Variants in ADGRL3 observed in about 807,000 individuals in gnomAD.
ADGRL3 encodes calcium-independent alpha-latrotoxin receptor 3.
ADGRL3 carries 62 observed loss-of-function variants against 153.5 expected under a neutral mutation model. That is an observed-to-expected ratio of 0.40 (90% confidence interval 0.33 to 0.50). The LOEUF (loss-of-function observed/expected upper bound fraction) is 0.50. ADGRL3 is among the 20% of genes least tolerant of loss of function. The pLI, the probability that ADGRL3 is intolerant of heterozygous loss-of-function variation, is 0.47. For missense variants in ADGRL3, 1,641 were observed against 1,859.4 expected (o/e 0.88, Z 2.16); for synonymous variants, 710 against 672.5 (o/e 1.06, Z -0.86).
chr4:62,033,321 A>G (rs1723199272), intron 23 of ADGRL3, among the ~76,000 whole-genome samples: 1 of 151,806 alleles, frequency 6.6e-6, no homozygotes. Flanking sequence ...GGAGACAGAA[A>G]AACATAGTAT....
intron 13 of ADGRL3, among the ~76,000 whole-genome samples, chr4:61,926,221 G>A (rs1186081567): frequency 1.3e-5 from 2 of 152,032 alleles, no homozygotes; most frequent in African/African-American, 4.8e-5. Context: ...TGGTATACAT[G>A]GTCCATTATT....
At chr4:61,932,913 T>C (rs1459433884) in intron 13 of ADGRL3, among the ~76,000 whole-genome samples, 2 of 152,140 alleles carry the variant, frequency 1.3e-5, no homozygotes, top group East Asian at 3.9e-4. Flanking sequence ...AACATGTTCT[T>C]TCTTAGAACA....
At chr4:61,398,278 T>A (rs1185422625) in intron 2 of ADGRL3, among the ~76,000 whole-genome samples, 1 of 151,784 alleles carries the variant, frequency 6.6e-6, no homozygotes, top group East Asian at 1.9e-4. Context: ...TTACTTTGAA[T>A]TTGGGTGAAT....
chr4:61,660,254 T>C (rs1263296193), intron 5 of ADGRL3, among the ~76,000 whole-genome samples: 1 of 152,182 alleles, frequency 6.6e-6, no homozygotes, highest in Non-Finnish European at 1.5e-5. Flanking sequence ...TCCCACACCA[T>C]GTTAACTTTG....
intron 1 of ADGRL3, among the ~76,000 whole-genome samples, chr4:61,360,597 C>T (rs912042739): frequency 1.6e-4 from 24 of 152,160 alleles, no homozygotes; most frequent in Non-Finnish European, 2.9e-4. Context: ...TAAAATAAAA[C>T]TTCTTTCCTG....
intron 9 of ADGRL3, among the ~76,000 whole-genome samples, chr4:61,830,602 G>A (rs760218841): frequency 6.6e-6 from 1 of 152,128 alleles, no homozygotes; most frequent in Non-Finnish European, 1.5e-5. Context: ...TAGAACTGGG[G>A]CAGTGATAAG....
intron 1 of ADGRL3, among the ~76,000 whole-genome samples, chr4:61,310,328 T>C (rs1356904379): frequency 6.6e-6 from 1 of 152,042 alleles, no homozygotes; most frequent in Non-Finnish European, 1.5e-5. Context: ...GCTTAGGCTC[T>C]TGGTAAACTC....
intron 1 of ADGRL3, among the ~76,000 whole-genome samples, chr4:61,264,257 T>G (rs1439414580): frequency 6.6e-6 from 1 of 151,974 alleles, no homozygotes; most frequent in Non-Finnish European, 1.5e-5. Flanking sequence ...GTGAACTGAT[T>G]TCTAGGGGGA....
intron 1 of ADGRL3, among the ~76,000 whole-genome samples, chr4:61,271,704 A>C (rs1443023936): frequency 6.6e-6 from 1 of 152,026 alleles, no homozygotes; most frequent in East Asian, 1.9e-4. Flanking sequence ...CCCAGAATTA[A>C]TGTGTAAATG....
At chr4:61,713,395 A>G (rs1323985681) in intron 6 of ADGRL3, among the ~76,000 whole-genome samples, 1 of 152,058 alleles carries the variant, frequency 6.6e-6, no homozygotes. Flanking sequence ...AGTGTTCACC[A>G]AAGCATACAT....
intron 8 of ADGRL3, among the ~76,000 whole-genome samples, chr4:61,745,738 C>A (rs1252919384): frequency 2.0e-5 from 3 of 152,160 alleles, no homozygotes; most frequent in Admixed American, 2.0e-4. Context: ...ACAACTGGTA[C>A]CAGCCACTGC....
Position 61,790,764 on chromosome 4 carries a change from G to T in ADGRL3, c.1400-23045G>T, listed in dbSNP as rs188515863. On this transcript the variant is annotated intron_variant, in intron 8 of 26. Coordinates refer to ENST00000683033, the MANE Select transcript of ADGRL3 (RefSeq NM_001387552.1). ...ATTTATAAAAGAAAGAGGTTTATTG[G>T]ACTCACAGCTCCACATGGTTGGGAA... Among the ~76,000 whole-genome samples the T allele has an allele frequency of 5.3e-4, 80 of 152,276 alleles. 1 individual carries two copies. Among genetic ancestry groups the T allele is most frequent in the African/African-American group, 1.9e-3 (78 of 41,558 alleles).
intron 8 of ADGRL3, among the ~76,000 whole-genome samples, chr4:61,743,324 CA>C (rs752363213): frequency 0.015 from 752 of 50,846 alleles, 2 homozygotes; most frequent in African/African-American, 0.032. Context: ...GACTCCATCT[CA>C]AAAAAAAAAA....
At chr4:61,800,357 A>G (rs1376623807) in intron 8 of ADGRL3, among the ~76,000 whole-genome samples, 3 of 152,190 alleles carry the variant, frequency 2.0e-5, no homozygotes, top group Admixed American at 6.5e-5. Context: ...CACGAAATTC[A>G]GGAAGAATGA....
chr4:61,426,653 G>C (rs545673482), intron 2 of ADGRL3: 1 of 152,368 alleles, frequency 6.6e-6, no homozygotes, highest in African/African-American at 2.4e-5. Flanking sequence ...CTGGTCATCT[G>C]GTTTCCCCCC....
chr4:61,624,247 G>T (rs2092700874), intron 5 of ADGRL3, among the ~76,000 whole-genome samples: 1 of 152,126 alleles, frequency 6.6e-6, no homozygotes, highest in Admixed American at 6.6e-5. Flanking sequence ...CTGTAGAGTG[G>T]ATTTGATGGG....
Position 62,031,369 on chromosome 4 carries a change from A to G in ADGRL3, c.3423-73A>G, listed in dbSNP as rs1002625254. The G allele has an allele frequency of 5.6e-6, 7 of 1,249,794 alleles. No homozygotes were observed. In the Admixed American group the frequency reaches 1.3e-4, roughly 24 times the overall value. The allele number at this position is 1,249,794 out of a possible 1,614,324, so 77.4% of individuals were successfully genotyped here. On this transcript the variant is annotated intron_variant, in intron 22 of 26. Transcript: ENST00000683033. ...ACTGTAACATTTTTTTCAGTGTCGT[A>G]TTGTTGATCTGATATGGTTGTTAAT...
intron 26 of ADGRL3, among the ~76,000 whole-genome samples, chr4:62,069,639 C>G (rs1744780039): frequency 6.6e-6 from 1 of 151,810 alleles, no homozygotes; most frequent in African/African-American, 2.4e-5. Context: ...TTCAAAGTAC[C>G]ACACATGAAT....
intron 8 of ADGRL3, among the ~76,000 whole-genome samples, chr4:61,769,740 T>G (rs190868474): frequency 0.013 from 1,576 of 117,238 alleles, 15 homozygotes; most frequent in African/African-American, 0.046. Flanking sequence ...CGGGTAGGAG[T>G]GGGGGTTGCA....
Sources: gnomAD v4.1 joint callset for allele counts (sites outside exome capture counted in the v4.1 genomes callset) on GRCh38, gnomAD v4.1.1 for gene constraint, MANE v1.5 for transcripts, NCBI Gene and HGNC (gene_info 2026-07-23, HGNC 2026-07-21) for gene names.